The following AP1G1 variants were observed in gnomAD, a reference collection of about 807,000 sequenced individuals.
AP1G1 encodes AP-1 complex subunit gamma-1.
A neutral mutation model predicts 108.3 loss-of-function variants in AP1G1; 7 were observed. The ratio of observed to expected loss-of-function variants is 0.06; its 90% CI spans 0.04 to 0.12. AP1G1 has a LOEUF of 0.12. Among genes scored for constraint, AP1G1 ranks in the 10% least tolerant of loss-of-function variants. AP1G1 has a pLI of 1.00. For missense variants in AP1G1, 756 were observed against 1,010.7 expected (o/e 0.75, Z 3.42); for synonymous variants, 379 against 353.5 (o/e 1.07, Z -0.81).
chr16:71,805,246 G>A (rs1014166103), intron 1 of AP1G1, among the ~76,000 whole-genome samples: 2 of 151,982 alleles, frequency 1.3e-5, no homozygotes, highest in African/African-American at 2.4e-5. Flanking sequence ...TCAGGAGTTC[G>A]AGACCAGCCT....
chr16:71,774,004 G>A (rs79688910), intron 3 of AP1G1, among the ~76,000 whole-genome samples: 2 of 148,666 alleles, frequency 1.3e-5, no homozygotes, highest in Admixed American at 6.7e-5. Flanking sequence ...TCCTGACCTC[G>A]TGATCTGAGA....
intron 2 of AP1G1, among the ~76,000 whole-genome samples, chr16:71,779,834 G>A (rs1470765489): frequency 6.6e-6 from 1 of 152,046 alleles, no homozygotes; most frequent in African/African-American, 2.4e-5. Flanking sequence ...CACACGGTCA[G>A]ATGCACATCT....
chr16:71,755,246 C>T (rs1227633397), intron 12 of AP1G1, among the ~76,000 whole-genome samples: 3 of 151,914 alleles, frequency 2.0e-5, no homozygotes, highest in Non-Finnish European at 2.9e-5. Flanking sequence ...GACAACATAG[C>T]GAAACCCCAT....
Position 71,753,855 on chromosome 16 carries a change from G to A in AP1G1, c.1262C>T (p.Thr421Ile). The change falls in exon 13 of 23, where the codon ACA becomes ATA. Residue 421 changes from threonine to isoleucine, a missense_variant. By Grantham distance (89) the Thr-to-Ile change is moderately conservative. Coordinates refer to ENST00000299980, the MANE Select transcript of AP1G1 (RefSeq NM_001128.6). ...TACCGTTGTCAAAACACGCATAATT[G>A]TGTCTATATGCCATCGTTTGGAAGG... ...YAPSKRWHID[T>I]IMRVLTTAGS... 3 of 1,614,034 alleles carry A rather than the reference G, an allele frequency of 1.9e-6. No homozygotes were observed. The highest frequency in any genetic ancestry group is 2.5e-6 in the Non-Finnish European group (3 of 1,179,948).
At chr16:71,805,737 A>G (rs2032975822) in intron 1 of AP1G1, among the ~76,000 whole-genome samples, 1 of 152,188 alleles carries the variant, frequency 6.6e-6, no homozygotes. Context: ...TTAAATTTGT[A>G]TAAATTAAAA....
At chr16:71,795,669 T>C (rs924600706) in intron 1 of AP1G1, among the ~76,000 whole-genome samples, 1 of 152,232 alleles carries the variant, frequency 6.6e-6, no homozygotes, top group African/African-American at 2.4e-5. Context: ...AATGTGACAC[T>C]AGAAAAGCTT....
intron 22 of AP1G1, 133 bp downstream of exon 22, chr16:71,734,476 G>A (rs958873511): frequency 2.7e-6 from 2 of 732,954 alleles, no homozygotes; most frequent in Admixed American, 4.4e-5. Flanking sequence ...GAGCAAGGAA[G>A]TTAGACCAGG....
chr16:71,767,764 A>T, intron 6 of AP1G1: 1 of 1,079,830 alleles, frequency 9.3e-7, no homozygotes, highest in Non-Finnish European at 1.4e-6. Flanking sequence ...TCACAGTATT[A>T]AGCACAGCTT....
intron 1 of AP1G1, among the ~76,000 whole-genome samples, chr16:71,791,998 G>A (rs560217742): frequency 6.6e-6 from 1 of 152,132 alleles, no homozygotes; most frequent in South Asian, 2.1e-4. Context: ...CTGACCTCAG[G>A]TGATCCACCC....
intron 21 of AP1G1, among the ~76,000 whole-genome samples, chr16:71,735,487 C>T (rs1431239146): frequency 6.6e-6 from 1 of 152,046 alleles, no homozygotes; most frequent in Non-Finnish European, 1.5e-5. Context: ...CACAGTGAAA[C>T]CCCGTCTCTA....
intron 1 of AP1G1, among the ~76,000 whole-genome samples, chr16:71,804,250 G>T (rs1715740416): frequency 1.3e-5 from 2 of 151,788 alleles, no homozygotes; most frequent in Admixed American, 6.6e-5. Flanking sequence ...GTTTAACCAT[G>T]TTGGCCAGGA....
intron 19 of AP1G1, among the ~76,000 whole-genome samples, chr16:71,744,571 GTTTTTTTTTT>G (rs71856788): frequency 8.7e-6 from 1 of 114,410 alleles, no homozygotes; most frequent in South Asian, 3.0e-4. Flanking sequence ...GAGAAAGTGT[GTTTTTTTTTT>G]TTTTTTTTTG....
At chr16:71,745,721 TC>T in intron 17 of AP1G1, 107 bp from the exon 18 acceptor site, 1 of 902,030 alleles carries the variant, frequency 1.1e-6, no homozygotes, top group South Asian at 1.4e-5. Flanking sequence ...CTATCTCCCC[TC>T]CCCATCCAAC....
chr16:71,753,969 G>A, intron 12 of AP1G1, 82 bp from the exon 13 acceptor site: 2 of 1,318,322 alleles, frequency 1.5e-6, no homozygotes, highest in East Asian at 2.3e-5. Flanking sequence ...CCCAAGCAGG[G>A]TGACTCACAC....
intron 2 of AP1G1, among the ~76,000 whole-genome samples, chr16:71,781,130 A>G (rs999905542): frequency 3.3e-5 from 5 of 152,080 alleles, no homozygotes; most frequent in Non-Finnish European, 7.4e-5. Context: ...TTTCTTTTTA[A>G]TATTCAGAAA....
At chr16:71,782,655 T>A (rs2032067668) in intron 2 of AP1G1, among the ~76,000 whole-genome samples, 1 of 151,864 alleles carries the variant, frequency 6.6e-6, no homozygotes. Context: ...ACCTGGTTAA[T>A]TTTTGTATTT....
intron 1 of AP1G1, among the ~76,000 whole-genome samples, chr16:71,794,544 G>T (rs1459080023): frequency 1.3e-5 from 2 of 151,766 alleles, no homozygotes; most frequent in South Asian, 4.1e-4. Flanking sequence ...GAGGAAAAAA[G>T]GAAACATAAA....
chr16:71,774,572 A>C lies in AP1G1; in HGVS notation c.222T>G (p.Ile74Met). Residue 74 changes from isoleucine (I) to methionine (M), a missense_variant, in exon 3 of 23, where the codon ATT becomes ATG. Coordinates refer to ENST00000299980, the MANE Select transcript of AP1G1 (RefSeq NM_001128.6). ...HFGQLECLKL[I>M]ASQKFTDKRI... ...GTTTGTCTGTAAATTTTTGAGAGGC[A>C]ATAAGCTTGAGGCACTCCAACTGCA... 6.3e-7 allele frequency: 1 copy of C among 1,590,896 alleles called. No homozygotes were observed. The highest frequency in any genetic ancestry group is 1.2e-5 in the South Asian group (1 of 86,352).
intron 9 of AP1G1, among the ~76,000 whole-genome samples, chr16:71,761,885 A>G (rs1002191993): frequency 8.6e-5 from 13 of 151,938 alleles, no homozygotes; most frequent in Non-Finnish European, 1.0e-4. Flanking sequence ...TCTAAAGGTA[A>G]GTGCTGGAAG....
Sources: gnomAD v4.1 joint callset for allele counts (sites outside exome capture counted in the v4.1 genomes callset) on GRCh38, gnomAD v4.1.1 for gene constraint, MANE v1.5 for transcripts, NCBI Gene and HGNC (gene_info 2026-07-23, HGNC 2026-07-21) for gene names.